DMXL2: variants seen among roughly 807,000 people sequenced by gnomAD.
DMXL2 encodes Dmx like 2, also known as dmX-like protein 2.
DMXL2 carries 103 observed loss-of-function variants against 331.1 expected under a neutral mutation model. The observed-to-expected ratio is 0.31, with a 90% confidence interval of 0.27 to 0.37. The LOEUF (loss-of-function observed/expected upper bound fraction) is 0.37, where lower values mean the gene tolerates loss of function less well. DMXL2 is among the 10% of genes least tolerant of loss of function. The pLI is 1.00. For synonymous variants in DMXL2, 1,281 were observed against 1,252.1 expected (o/e 1.02, Z -0.49); for missense variants, 3,171 against 3,642.9 (o/e 0.87, Z 3.33).
At chr15:51,565,385 C>T (rs117259893) in intron 3 of DMXL2, among the ~76,000 whole-genome samples, 2,510 of 152,242 alleles carry the variant, frequency 0.016, 24 homozygotes, top group Middle Eastern at 0.041. Flanking sequence ...TTGCCATGCC[C>T]AAACAAAGCA....
chr15:51,514,052 A>G (rs952949091), intron 15 of DMXL2, among the ~76,000 whole-genome samples: 4 of 152,154 alleles, frequency 2.6e-5, no homozygotes, highest in Non-Finnish European at 5.9e-5. Flanking sequence ...ATGATACCTT[A>G]TATCTTATAT....
intron 9 of DMXL2, among the ~76,000 whole-genome samples, chr15:51,542,097 A>G (rs1183958570): frequency 6.6e-6 from 1 of 152,202 alleles, no homozygotes; most frequent in African/African-American, 2.4e-5. Context: ...AATGCTTGTT[A>G]TAGTCTAGAC....
In DMXL2 at chr15:51,459,659, G is replaced by C. The variant is rs982899026; in HGVS notation, c.7928C>G (p.Ser2643Cys). 127 of 1,289,554 alleles carry C rather than the reference G, an allele frequency of 9.8e-5. No homozygotes were observed. In the Middle Eastern group the frequency reaches 1.9e-3, roughly 19 times the overall value. 79.9% of individuals were successfully genotyped at this position (1,289,554 alleles called of 1,614,324 possible). A position where few individuals can be genotyped will look rare whatever the true frequency, so the allele number is the denominator to read the frequency against. The part of the protein sequence containing the change: ...IFTKKRKQSE[S>C]IEEHVEQVNQ... ...GACCTGCTCCACATGTTCTTCTATAGACTAAATACCACCACACCGTCACAA... is the reference window on the plus strand; with the variant it reads ...GACCTGCTCCACATGTTCTTCTATACACTAAATACCACCACACCGTCACAA... Residue 2643 changes from serine (S) to cysteine (C), a missense_variant and splice_region_variant, in exon 34 of 44, where the codon TCT becomes TGT. Physicochemically the swap from Ser to Cys is moderately radical, Grantham distance 112. Coordinates refer to ENST00000560891, the MANE Select transcript of DMXL2 (RefSeq NM_001378457.1).
rs1566975682 is a variant in DMXL2, at chr15:51,456,389, A to G, written c.8338-20T>C. 3.4e-6 allele frequency: 5 copies of G among 1,486,986 alleles called. No individual in the cohort carries two copies. The highest frequency in any genetic ancestry group is 1.2e-5 in the South Asian group (1 of 80,316). 92.1% of individuals were successfully genotyped at this position (1,486,986 alleles called of 1,614,324 possible). Reference sequence around the variant, plus strand: ...CATAAGCTTTAAAAGAAAATTTTAAAAATTTTATTTTGTGTATGCAGAAAA... The same window carrying G: ...CATAAGCTTTAAAAGAAAATTTTAAGAATTTTATTTTGTGTATGCAGAAAA... On this transcript the variant is annotated intron_variant, in intron 37 of 43. Transcript: ENST00000560891.
chr15:51,452,202 C>T (rs2039207726), intron 41 of DMXL2, among the ~76,000 whole-genome samples: 1 of 151,312 alleles, frequency 6.6e-6, no homozygotes, highest in South Asian at 2.2e-4. Context: ...TAGAAGATAA[C>T]ATCAAAAAAA....
chr15:51,497,037 C>A (rs116171679), intron 18 of DMXL2, among the ~76,000 whole-genome samples: 2,908 of 152,274 alleles, frequency 0.019, 93 homozygotes, highest in African/African-American at 0.065. Flanking sequence ...TTTTACAAAT[C>A]ATGCCATGCC....
chr15:51,595,470 C>G (rs2052727834), intron 1 of DMXL2, among the ~76,000 whole-genome samples: 1 of 152,112 alleles, frequency 6.6e-6, no homozygotes, highest in Non-Finnish European at 1.5e-5. Context: ...TAGGAAGAAT[C>G]AATATCGTGA....
chr15:51,489,308 T>C (rs1391585918), intron 20 of DMXL2, among the ~76,000 whole-genome samples: 6 of 152,136 alleles, frequency 3.9e-5, no homozygotes, highest in East Asian at 3.8e-4. Context: ...CAGGAAGCTA[T>C]AATACTAAGG....
In DMXL2 at chr15:51,553,378, C is replaced by CT. The variant is rs2049342080; in HGVS notation, c.568-5971dup. Among the ~76,000 whole-genome samples, 8 of 152,244 alleles carry CT rather than the reference C, an allele frequency of 5.3e-5. No homozygotes were observed. In the South Asian group the frequency reaches 1.7e-3, roughly 32 times the overall value. ...ACTATCAATTTTACGTATATAAAGT[C>CT]TATTATGATATGAATACAACTATAA... On this transcript the variant is annotated intron_variant, in intron 6 of 43. Coordinates refer to ENST00000560891, the MANE Select transcript of DMXL2 (RefSeq NM_001378457.1).
rs560603989 is a variant in DMXL2 at position 51,523,647 on chromosome 15, C to T, written c.2437-6480G>A. On this transcript the variant is annotated intron_variant, in intron 13 of 43. Transcript: ENST00000560891. ...GGATACGCAGAGACACTCAGATGGA[C>T]GAAGGCCATGAGAAGACAGTGATGC... Among the ~76,000 whole-genome samples the T allele has an allele frequency of 3.5e-4, 43 of 122,244 alleles. No individual in the cohort carries two copies. In the South Asian group the frequency reaches 0.011, roughly 30 times the overall value. 80.2% of individuals were successfully genotyped at this position (122,244 alleles called of 152,430 possible). A position where few individuals can be genotyped will look rare whatever the true frequency, so the allele number is the denominator to read the frequency against.
chr15:51,587,292 A>C (rs1427641172), intron 1 of DMXL2, among the ~76,000 whole-genome samples: 1 of 152,106 alleles, frequency 6.6e-6, no homozygotes, highest in Non-Finnish European at 1.5e-5. Context: ...AGCATTAGGT[A>C]TATCTCCTAA....
chr15:51,622,682 G>T lies in DMXL2; in HGVS notation c.-137C>A. On this transcript the variant is annotated 5_prime_UTR_variant, in exon 1 of 44. Coordinates refer to ENST00000560891, the MANE Select transcript of DMXL2 (RefSeq NM_001378457.1). Reference sequence around the variant, plus strand: ...CGCGGAGGCTCTGGCTTAACTCCTCGCCCCCCTTTCGCCTTCCCTCCGCCT... The same window carrying T: ...CGCGGAGGCTCTGGCTTAACTCCTCTCCCCCCTTTCGCCTTCCCTCCGCCT... 1 of 1,415,052 alleles carries T rather than the reference G, an allele frequency of 7.1e-7. No homozygotes were observed. The highest frequency in any genetic ancestry group is 9.3e-7 in the Non-Finnish European group (1 of 1,078,054). 87.7% of individuals were successfully genotyped at this position (1,415,052 alleles called of 1,614,324 possible).
At chr15:51,568,355 G>C (rs1438672537) in intron 3 of DMXL2, 132 bp downstream of exon 3, 7 of 593,074 alleles carry the variant, frequency 1.2e-5, no homozygotes, top group African/African-American at 7.8e-5. Context: ...CTAACATAAA[G>C]CACTAGACCA....
Position 51,537,726 on chromosome 15 carries a change from G to A in DMXL2, c.1379C>T (p.Thr460Ile), listed in dbSNP as rs1567086332. Reference protein sequence around the residue: ...LSLDRESEAGTGSSEHEDGER... With the variant: ...LSLDRESEAGIGSSEHEDGER... Reference sequence around the variant, plus strand: ...TCCATCTTCATGTTCTGATGATCCTGTACCTGCCTCAGATTCTCTATCCAG... The same window carrying A: ...TCCATCTTCATGTTCTGATGATCCTATACCTGCCTCAGATTCTCTATCCAG... Residue 460 changes from threonine to isoleucine, a missense_variant, in exon 11 of 44, where the codon ACA (threonine) becomes ATA (isoleucine). By Grantham distance (89) the Thr-to-Ile change is moderately conservative. Around this residue, in one of 7 missense-constraint regions of DMXL2, gnomAD observed 1,674 missense variants for 1,780.2 expected, o/e 0.94. Coordinates refer to ENST00000560891, the MANE Select transcript of DMXL2 (RefSeq NM_001378457.1). 1.9e-6 allele frequency: 3 copies of A among 1,613,548 alleles called. No individual in the cohort carries two copies. The highest frequency in any genetic ancestry group is 1.3e-5 in the African/African-American group (1 of 75,014).
chr15:51,462,476 C>T (rs2040212028), intron 33 of DMXL2, among the ~76,000 whole-genome samples: 1 of 152,104 alleles, frequency 6.6e-6, no homozygotes, highest in African/African-American at 2.4e-5. Context: ...GCTGGGATTA[C>T]AGACATGCGC....
chr15:51,463,497 C>A lies in DMXL2; in HGVS notation c.7809-1G>T. 1 of 1,551,688 alleles carries A rather than the reference C, an allele frequency of 6.4e-7. No individual in the cohort carries two copies. Among genetic ancestry groups the A allele is most frequent in the East Asian group, 2.3e-5 (1 of 43,322 alleles). ...TGGAAATGCAGAAGAATCCCGGGAC[C>A]TATTAAAAAAAATTAACATATCACA... is the stretch of plus-strand genomic sequence containing the variant. On this transcript the variant is annotated splice_acceptor_variant, in intron 32 of 43. Coordinates refer to ENST00000560891, the MANE Select transcript of DMXL2 (RefSeq NM_001378457.1). LOFTEE classifies it high-confidence loss of function.
At chr15:51,449,846 C>T (rs2038980191) in intron 43 of DMXL2, among the ~76,000 whole-genome samples, 1 of 151,988 alleles carries the variant, frequency 6.6e-6, no homozygotes, top group African/African-American at 2.4e-5. Context: ...CTAATGTCAT[C>T]AAAAAATTTC....
chr15:51,566,262 T>C (rs1839594043), intron 3 of DMXL2, among the ~76,000 whole-genome samples: 1 of 124,218 alleles, frequency 8.1e-6, no homozygotes, highest in Non-Finnish European at 1.9e-5. Flanking sequence ...TGTGTGTGTG[T>C]GTGTGTGTGT....
intron 1 of DMXL2, among the ~76,000 whole-genome samples, chr15:51,581,766 A>G (rs1429738240): frequency 1.3e-5 from 2 of 152,316 alleles, no homozygotes; most frequent in Admixed American, 6.5e-5. Flanking sequence ...ATAGCATACA[A>G]TAGATTAATT....
Sources: allele counts gnomAD v4.1 joint callset (sites outside exome capture counted in the v4.1 genomes callset), GRCh38; gene constraint gnomAD v4.1.1; regional missense constraint gnomAD v4.1.1; transcripts MANE v1.5; gene names NCBI Gene and HGNC (gene_info 2026-07-23, HGNC 2026-07-21).